The following LRRC37B variants were observed in gnomAD, a reference collection of about 807,000 sequenced individuals.
LRRC37B encodes leucine-rich repeat-containing protein 37B.
LRRC37B carries 28 observed loss-of-function variants against 98.3 expected under a neutral mutation model. The observed-to-expected ratio is 0.28, with a 90% CI of 0.21 to 0.39. LRRC37B has a LOEUF of 0.39. LRRC37B is among the 10% of genes least tolerant of loss of function. The pLI is 1.00. For missense variants in LRRC37B, 938 were observed against 1,182.7 expected, an observed-to-expected ratio of 0.79 and a Z score of 3.03; for synonymous variants, 364 against 442.7, an observed-to-expected ratio of 0.82 and a Z score of 2.23.
At chr17:32,023,185 G>A (rs1049634339) in intron 1 of LRRC37B, among the ~76,000 whole-genome samples, 1 of 145,874 alleles carries the variant, frequency 6.9e-6, no homozygotes, top group Non-Finnish European at 1.5e-5. Context: ...GCAATGGCAT[G>A]GTCTTGGCTC....
At chr17:32,027,681 A>G (rs545638196) in intron 2 of LRRC37B, 88 bp from the exon 6 acceptor site, 2 of 1,149,594 alleles carry the variant, frequency 1.7e-6, no homozygotes, top group East Asian at 5.1e-5. Flanking sequence ...ACCATGACCC[A>G]GCTTTCCTCC....
At chr17:32,051,134 G>C (rs1434748628) in intron 11 of LRRC37B, 1 of 152,076 alleles carries the variant, frequency 6.6e-6, no homozygotes, top group Non-Finnish European at 1.5e-5. Context: ...CTCTGCCTGT[G>C]GGAGTCCTGT....
intron 1 of LRRC37B, among the ~76,000 whole-genome samples, chr17:32,012,619 G>A (rs537750113): frequency 2.0e-5 from 3 of 152,256 alleles, no homozygotes; most frequent in South Asian, 2.1e-4. Context: ...AGAAGGTTGA[G>A]GCAAGAGAAT....
intron 2 of LRRC37B, among the ~76,000 whole-genome samples, chr17:32,027,363 TTG>T (rs1390634138): frequency 6.9e-5 from 10 of 144,298 alleles, no homozygotes; most frequent in Admixed American, 6.2e-4. Flanking sequence ...GTGTGTGTGC[TTG>T]TGTGTGTGCT....
chr17:32,035,567 A>G, exon 7 of LRRC37B: 2 of 1,611,712 alleles, frequency 1.2e-6, no homozygotes, highest in African/African-American at 1.3e-5. Flanking sequence ...TTCTTCAGAG[A>G]CATGGGAACA....
At chr17:32,052,966 T>G in intron 11 of LRRC37B, 1 of 248,470 alleles carries the variant, frequency 4.0e-6, no homozygotes, top group Non-Finnish European at 7.6e-6. Context: ...ATAAATAAAG[T>G]ATATGGGGGG....
chr17:32,053,001 CT>C, intron 11 of LRRC37B: 1 of 393,200 alleles, frequency 2.5e-6, no homozygotes, highest in Non-Finnish European at 4.7e-6. Context: ...TATGCAGACA[CT>C]GCACCATTAT....
At chr17:32,018,684 A>G (rs1407985236), upstream of LRRC37B, among the ~76,000 whole-genome samples, 1 of 152,202 alleles carries the variant, frequency 6.6e-6, no homozygotes, top group African/African-American at 2.4e-5. Flanking sequence ...GGGGAATGTA[A>G]CTGGCCTTAA....
chr17:32,018,780 G>A (rs1910700983), upstream of LRRC37B, among the ~76,000 whole-genome samples: 2 of 152,158 alleles, frequency 1.3e-5, no homozygotes, highest in Non-Finnish European at 2.9e-5. Flanking sequence ...CGTATACCTT[G>A]GGTGGACTAT....
chr17:32,021,711 C>T, exon 1 of LRRC37B: 1 of 1,614,216 alleles, frequency 6.2e-7, no homozygotes, highest in African/African-American at 1.3e-5. Context: ...TGTTGTTTCG[C>T]CCAAGAACCT....
Position 32,024,879 on chromosome 17 carries a change from T to A in LRRC37B, c.1832+97T>A, listed in dbSNP as rs189896238. ...AGGTCCATACCTCTGAGAAAAGATA[T>A]TTCCCCTCCATACCCCAAATCAGCC... On this transcript the variant is annotated intron_variant, in intron 2 of 11. Coordinates refer to ENST00000327564, the Ensembl canonical transcript of LRRC37B. 609 of 1,492,784 alleles carry A rather than the reference T, an allele frequency of 4.1e-4. 2 individuals are homozygous for A. The African/African-American group carries it at 7.8e-3, about 19-fold the overall frequency. The allele number at this position is 1,492,784 out of a possible 1,614,324, so 92.5% of individuals were successfully genotyped here. A position where few individuals can be genotyped will look rare whatever the true frequency, so the allele number is the denominator to read the frequency against.
At chr17:32,020,496 T>C (rs887000583), upstream of LRRC37B, among the ~76,000 whole-genome samples, 1 of 152,180 alleles carries the variant, frequency 6.6e-6, no homozygotes, top group East Asian at 1.9e-4. Flanking sequence ...TGAAGCCTTC[T>C]CTCCCAGACT....
chr17:32,049,188 C>T (rs879064676), exon 10 of LRRC37B: 12 of 1,613,906 alleles, frequency 7.4e-6, no homozygotes, highest in African/African-American at 4.0e-5. Context: ...TCATGTTATC[C>T]GGACCTTGAA....
At chr17:32,053,345 G>A (rs1277247815) in exon 12 of LRRC37B, 15 of 1,590,202 alleles carry the variant, frequency 9.4e-6, no homozygotes, top group Non-Finnish European at 1.7e-6. Context: ...GTTAAAGCAT[G>A]TGGATGGCCT....
chr17:32,019,570 AT>A (rs555597810), upstream of LRRC37B, among the ~76,000 whole-genome samples: 23 of 152,098 alleles, frequency 1.5e-4, no homozygotes, highest in African/African-American at 4.8e-4. Flanking sequence ...CTATTTATGG[AT>A]TTTTTTTTAA....
chr17:32,027,883 C>T, intron 3 of LRRC37B, 43 bp downstream of exon 6: 2 of 1,420,810 alleles, frequency 1.4e-6, no homozygotes, highest in South Asian at 1.2e-5. Context: ...GTCATATTAT[C>T]TTTAAAATGA....
exon 1 of LRRC37B, chr17:32,021,227 T>C: frequency 6.2e-7 from 1 of 1,612,786 alleles, no homozygotes; most frequent in Non-Finnish European, 8.5e-7. Context: ...AGGCTCAGCC[T>C]CTGGTGTGGG....
At chr17:32,039,621 C>T (rs1911368994) in intron 7 of LRRC37B, among the ~76,000 whole-genome samples, 1 of 129,258 alleles carries the variant, frequency 7.7e-6, no homozygotes, top group African/African-American at 3.0e-5. Flanking sequence ...ATATATATTT[C>T]TGCAAGGCCC....
chr17:32,043,684 G>A (rs1911504965), intron 7 of LRRC37B, among the ~76,000 whole-genome samples: 3 of 152,142 alleles, frequency 2.0e-5, no homozygotes, highest in Admixed American at 1.3e-4. Context: ...AAAGGAATAC[G>A]AGTCACTTGT....
Sources: allele counts gnomAD v4.1 joint callset (sites outside exome capture counted in the v4.1 genomes callset), GRCh38; gene constraint gnomAD v4.1.1; transcripts MANE v1.5; gene names NCBI Gene and HGNC (gene_info 2026-07-23, HGNC 2026-07-21).